The following MAGI2 variants were observed in gnomAD, a reference collection of about 807,000 sequenced individuals.
MAGI2 encodes the protein membrane associated guanylate kinase, WW and PDZ domain containing 2.
In MAGI2, 35 loss-of-function variants were observed where a neutral mutation model predicts 133.3. The observed-to-expected ratio is 0.26, with a 90% confidence interval of 0.20 to 0.35. The LOEUF is 0.35. Ranked by LOEUF, MAGI2 falls within the 10% of genes least tolerant of loss-of-function variation. The pLI is 1.00. For synonymous variants in MAGI2, 729 were observed against 710.6 expected, an observed-to-expected ratio of 1.03 and a Z score of -0.41; for missense variants, 1,636 against 1,863.4, an observed-to-expected ratio of 0.88 and a Z score of 2.25.
intron 2 of MAGI2, among the ~76,000 whole-genome samples, chr7:78,735,798 CAT>C (rs1821791661): frequency 6.6e-6 from 1 of 152,188 alleles, no homozygotes; most frequent in Non-Finnish European, 1.5e-5. Context: ...TATAAATGCA[CAT>C]ATGTGCACCA....
chr7:79,236,977 T>C (rs1161719555), intron 1 of MAGI2, among the ~76,000 whole-genome samples: 1 of 152,030 alleles, frequency 6.6e-6, no homozygotes, highest in African/African-American at 2.4e-5. Flanking sequence ...CTCAGGAGCT[T>C]GAGGCTGCAA....
chr7:78,912,765 T>G (rs1196517855), intron 2 of MAGI2, among the ~76,000 whole-genome samples: 1 of 147,400 alleles, frequency 6.8e-6, no homozygotes, highest in African/African-American at 2.5e-5. Context: ...ATATATATCA[T>G]TCATATATAT....
chr7:79,087,437 A>G (rs1816617484), intron 1 of MAGI2, among the ~76,000 whole-genome samples: 1 of 151,972 alleles, frequency 6.6e-6, no homozygotes, highest in Non-Finnish European at 1.5e-5. Flanking sequence ...TTATACATTG[A>G]AGGCTTTGCA....
intron 1 of MAGI2, among the ~76,000 whole-genome samples, chr7:79,028,827 C>G (rs1016327887): frequency 6.6e-6 from 1 of 151,996 alleles, no homozygotes; most frequent in Non-Finnish European, 1.5e-5. Flanking sequence ...TTATTTTGGA[C>G]TGATAAGCTA....
chr7:78,946,289 T>C (rs1309830155), intron 2 of MAGI2, among the ~76,000 whole-genome samples: 1 of 152,192 alleles, frequency 6.6e-6, no homozygotes, highest in Non-Finnish European at 1.5e-5. Flanking sequence ...TCTTTCTTCC[T>C]AGATAGTTAA....
intron 3 of MAGI2, among the ~76,000 whole-genome samples, chr7:78,622,599 TG>T (rs1807866177): frequency 6.6e-6 from 1 of 151,824 alleles, no homozygotes; most frequent in South Asian, 2.1e-4. Context: ...CCTGACAAAA[TG>T]AAAACAAAAA....
intron 2 of MAGI2, among the ~76,000 whole-genome samples, chr7:78,757,570 T>C (rs971787244): frequency 5.9e-5 from 9 of 152,196 alleles, no homozygotes; most frequent in Admixed American, 5.9e-4. Flanking sequence ...GAACTCTCAA[T>C]GTCACTAAAG....
At chr7:78,941,525 A>G (rs528788500) in intron 2 of MAGI2, among the ~76,000 whole-genome samples, 103 of 152,126 alleles carry the variant, frequency 6.8e-4, no homozygotes, top group Non-Finnish European at 1.2e-3. Flanking sequence ...TAGTATATAC[A>G]GGGTTTTGCC....
chr7:79,059,399 T>C (rs1813502244), intron 1 of MAGI2, among the ~76,000 whole-genome samples: 2 of 151,988 alleles, frequency 1.3e-5, no homozygotes, highest in African/African-American at 4.8e-5. Flanking sequence ...TGAGAAAGCA[T>C]AGGTTAAAAT....
intron 21 of MAGI2, among the ~76,000 whole-genome samples, chr7:78,049,610 C>T (rs531191967): frequency 6.6e-6 from 1 of 152,204 alleles, no homozygotes; most frequent in African/African-American, 2.4e-5. Context: ...TTAAGTGGCT[C>T]GCGGTAGAAC....
chr7:78,699,118 T>C (rs966794127), intron 2 of MAGI2, among the ~76,000 whole-genome samples: 1 of 152,178 alleles, frequency 6.6e-6, no homozygotes, highest in South Asian at 2.1e-4. Context: ...TTTGCTGCTG[T>C]TGTTGTTTTG....
chr7:79,210,558 G>A (rs997287927), intron 1 of MAGI2, among the ~76,000 whole-genome samples: 6 of 152,010 alleles, frequency 3.9e-5, no homozygotes, highest in African/African-American at 1.5e-4. Context: ...CTTAATGGAA[G>A]GGCCAACTGT....
chr7:78,462,062 G>A (rs2151513980), intron 6 of MAGI2, among the ~76,000 whole-genome samples: 1 of 150,770 alleles, frequency 6.6e-6, no homozygotes, highest in South Asian at 2.2e-4. Context: ...AGAAAATGTT[G>A]AAATCAAATA....
intron 1 of MAGI2, chr7:79,008,728 G>T (rs940234733): frequency 6.6e-6 from 1 of 152,088 alleles, no homozygotes; most frequent in Non-Finnish European, 1.5e-5. Context: ...AAAGTCATTT[G>T]AAACTGCCAT....
chr7:79,158,334 A>C (rs1824020579), intron 1 of MAGI2, among the ~76,000 whole-genome samples: 1 of 152,128 alleles, frequency 6.6e-6, no homozygotes, highest in Non-Finnish European at 1.5e-5. Context: ...AATTGGCTTA[A>C]AAAATAAAAG....
intron 1 of MAGI2, among the ~76,000 whole-genome samples, chr7:79,273,236 CA>C (rs5885123): frequency 6.7e-6 from 1 of 150,140 alleles, no homozygotes; most frequent in African/African-American, 2.4e-5. Flanking sequence ...GATGGTAGGC[CA>C]AAAAAAAATA....
intron 3 of MAGI2, among the ~76,000 whole-genome samples, chr7:78,574,595 A>C (rs1037297920): frequency 6.6e-6 from 1 of 152,250 alleles, no homozygotes; most frequent in Non-Finnish European, 1.5e-5. Flanking sequence ...CTTGTTTAAC[A>C]TATAGTTAGA....
At chr7:79,239,549 T>C (rs1832220505) in intron 1 of MAGI2, among the ~76,000 whole-genome samples, 3 of 152,132 alleles carry the variant, frequency 2.0e-5, no homozygotes, top group Non-Finnish European at 2.9e-5. Context: ...AATAGAAGCA[T>C]TGAATATAGT....
At chr7:78,990,013 A>C (rs866946745) in intron 2 of MAGI2, among the ~76,000 whole-genome samples, 1 of 152,110 alleles carries the variant, frequency 6.6e-6, no homozygotes, top group African/African-American at 2.4e-5. Flanking sequence ...AACTTAGATT[A>C]ATCTTCCTAA....
Sources: gnomAD v4.1 joint callset for allele counts (sites outside exome capture counted in the v4.1 genomes callset) on GRCh38, gnomAD v4.1.1 for gene constraint, MANE v1.5 for transcripts, NCBI Gene and HGNC (gene_info 2026-07-23, HGNC 2026-07-21) for gene names.